Variants in CFAP43 observed in about 807,000 individuals in gnomAD.
CFAP43 encodes cilia- and flagella-associated protein 43.
CFAP43 carries 155 observed loss-of-function variants against 218.9 expected under a neutral mutation model. The observed-to-expected ratio is 0.71, with a 90% CI of 0.62 to 0.81. CFAP43 has a LOEUF of 0.81. Among genes scored for constraint, CFAP43 ranks in the 30% least tolerant of loss-of-function variants. The pLI, the probability that CFAP43 is intolerant of heterozygous loss-of-function variation, is 0.00. For synonymous variants in CFAP43, 645 were observed against 681.3 expected, an observed-to-expected ratio of 0.95 and a Z score of 0.83; for missense variants, 1,778 against 1,954.3, an observed-to-expected ratio of 0.91 and a Z score of 1.70.
intron 17 of CFAP43, among the ~76,000 whole-genome samples, chr10:104,182,009 T>C (rs564507742): frequency 1.3e-5 from 2 of 152,322 alleles, no homozygotes; most frequent in African/African-American, 4.8e-5. Flanking sequence ...TATTTGTTAA[T>C]TGAATGAGTG....
At chr10:104,144,582 G>A (rs1480709396) in intron 31 of CFAP43, among the ~76,000 whole-genome samples, 1 of 152,170 alleles carries the variant, frequency 6.6e-6, no homozygotes, top group African/African-American at 2.4e-5. Flanking sequence ...CCGGGAGGCG[G>A]AGGTTGCAGT....
rs770759380 is a variant in CFAP43, at chr10:104,168,769, A to G, written c.2666T>C (p.Met889Thr). ...ELIKEECWNSMAVKGRALKCF... is the reference protein window; with the variant it reads ...ELIKEECWNSTAVKGRALKCF... ...CTTAAGAGCTCGACCTTTCACAGCCATCGAATTCCAACATTCTTCTTTGAT... is the reference window on the plus strand; with the variant it reads ...CTTAAGAGCTCGACCTTTCACAGCCGTCGAATTCCAACATTCTTCTTTGAT... The change falls in exon 21 of 38, where the codon ATG (methionine) becomes ACG (threonine). Residue 889 changes from methionine (M) to threonine (T), a missense_variant. Physicochemically the swap from Met to Thr is moderately conservative, Grantham distance 81. This residue lies in a region of CFAP43 where 1,553 missense variants were observed against 1,685.2 expected (regional missense o/e 0.92). Coordinates refer to ENST00000357060, the MANE Select transcript of CFAP43 (RefSeq NM_025145.7). 1.9e-6 allele frequency: 3 copies of G among 1,614,154 alleles called. No homozygotes were observed. The Admixed American group carries it at 5.0e-5, about 27-fold the overall frequency.
At chr10:104,173,463 G>A (rs1262841029) in intron 19 of CFAP43, among the ~76,000 whole-genome samples, 1 of 152,210 alleles carries the variant, frequency 6.6e-6, no homozygotes, top group Non-Finnish European at 1.5e-5. Flanking sequence ...GTGCTGGCAG[G>A]TTGATTAGCT....
intron 7 of CFAP43, among the ~76,000 whole-genome samples, chr10:104,205,167 C>T (rs531171290): frequency 1.1e-4 from 16 of 139,444 alleles, no homozygotes; most frequent in Admixed American, 6.1e-4. Context: ...GAGCCGAGAT[C>T]GCGCCACTGT....
At chr10:104,209,666 T>C (rs999550037) in intron 5 of CFAP43, among the ~76,000 whole-genome samples, 1 of 152,256 alleles carries the variant, frequency 6.6e-6, no homozygotes, top group East Asian at 1.9e-4. Context: ...ACATATTTTC[T>C]GCCCAGAAAA....
In CFAP43 at chr10:104,147,944, T is replaced by C; in HGVS notation, c.3715A>G (p.Ser1239Gly). 8 of 1,604,934 alleles carry C rather than the reference T, an allele frequency of 5.0e-6. No homozygotes were observed. Among genetic ancestry groups the C allele is most frequent in the Non-Finnish European group, 6.8e-6 (8 of 1,175,436 alleles). ...TTGTTCAGGAATTTTTCTCTAGAGC[T>C]TAATTCTTCATCCAACAATAAAGAA... ...AFSLLLDEEL[S>G]SREKFLNNYL... is the part of the protein sequence containing the mutation. Residue 1239 changes from serine (S) to glycine (G), a missense_variant, in exon 29 of 38, where the codon AGC (serine) becomes GGC (glycine). By Grantham distance (56) the Ser-to-Gly change is moderately conservative. This residue lies in a region of CFAP43 where 1,553 missense variants were observed against 1,685.2 expected (regional missense o/e 0.92). Transcript: ENST00000357060.
At chr10:104,152,257 G>A (rs778787743) in intron 28 of CFAP43, among the ~76,000 whole-genome samples, 2 of 152,034 alleles carry the variant, frequency 1.3e-5, no homozygotes, top group Non-Finnish European at 2.9e-5. Context: ...ATGGTAGAAA[G>A]GAAAAAATAC....
intron 12 of CFAP43, among the ~76,000 whole-genome samples, chr10:104,190,951 T>A (rs923116151): frequency 1.3e-5 from 2 of 152,234 alleles, no homozygotes; most frequent in East Asian, 1.9e-4. Context: ...ATCAATTTCA[T>A]GAAAGTTGTC....
chr10:104,152,628 C>T lies in CFAP43; in HGVS notation c.3639G>A (p.Lys1213=), dbSNP rs763467192. 2 of 1,613,778 alleles carry T rather than the reference C, an allele frequency of 1.2e-6. No individual in the cohort carries two copies. The highest frequency in any genetic ancestry group is 1.7e-6 in the Non-Finnish European group (2 of 1,179,848). Residue 1213 remains lysine, a synonymous_variant, in exon 28 of 38, where the codon AAG becomes AAA. Transcript: ENST00000357060. ...HLKRLFERRV[K]AEMVTNQEEL... ...TTACCTGGTTGGTAACCATCTCTGC[C>T]TTCACTCTCCTTTCAAAAAGTCTTT...
chr10:104,147,827 T>G, intron 29 of CFAP43, 64 bp downstream of exon 29: 1 of 1,177,578 alleles, frequency 8.5e-7, no homozygotes, highest in Non-Finnish European at 1.2e-6. Context: ...ACGTGAGCTC[T>G]TGCTAAATGA....
intron 3 of CFAP43, among the ~76,000 whole-genome samples, chr10:104,218,190 T>C (rs1276309341): frequency 1.3e-5 from 2 of 151,396 alleles, no homozygotes; most frequent in Non-Finnish European, 2.9e-5. Flanking sequence ...CTACTAAAAA[T>C]ACAAAAAATT....
intron 35 of CFAP43, 87 bp downstream of exon 35, chr10:104,133,533 C>A: frequency 7.3e-7 from 1 of 1,371,486 alleles, no homozygotes; most frequent in Non-Finnish European, 9.8e-7. Flanking sequence ...CTTGATATCA[C>A]AGAGGCTTCT....
Position 104,135,147 on chromosome 10 carries a change from GA to G in CFAP43, c.4432-1364del, listed in dbSNP as rs569839881. Among the ~76,000 whole-genome samples the G allele has an allele frequency of 9.9e-3, 1,454 of 146,310 alleles. 19 individuals carry two copies. Among genetic ancestry groups the G allele is most frequent in the African/African-American group, 0.033 (1,324 of 39,770 alleles). On this transcript the variant is annotated intron_variant, in intron 34 of 37. Coordinates refer to ENST00000357060, the MANE Select transcript of CFAP43 (RefSeq NM_025145.7). ...TCACATGATCATGTCAATTGATGTAGAAAAAAAAAATTGACAAAATCCAGCA... is the reference window on the plus strand; with the variant it reads ...TCACATGATCATGTCAATTGATGTAGAAAAAAAAATTGACAAAATCCAGCA...
intron 12 of CFAP43, among the ~76,000 whole-genome samples, chr10:104,189,257 T>C (rs1446661234): frequency 6.6e-5 from 10 of 151,308 alleles, no homozygotes; most frequent in Admixed American, 5.9e-4. Context: ...TGGTTCCTTT[T>C]ATTCAGCCCT....
At chr10:104,146,050 C>T (rs2087950243) in intron 30 of CFAP43, among the ~76,000 whole-genome samples, 1 of 152,140 alleles carries the variant, frequency 6.6e-6, no homozygotes, top group Non-Finnish European at 1.5e-5. Flanking sequence ...TTTTGTATAA[C>T]AGAAAGCTTA....
At chr10:104,218,788 G>C (rs1301676137) in intron 3 of CFAP43, 4 of 549,686 alleles carry the variant, frequency 7.3e-6, no homozygotes, top group Non-Finnish European at 1.5e-5. Flanking sequence ...CGGTGGTTTA[G>C]GGTTCCTCTG....
At chr10:104,180,445 C>CTTTT (rs34452460) in intron 17 of CFAP43, among the ~76,000 whole-genome samples, 1 of 124,652 alleles carries the variant, frequency 8.0e-6, no homozygotes, top group African/African-American at 3.2e-5. Flanking sequence ...CACCCTATTT[C>CTTTT]TTTTTTTTTT....
intron 32 of CFAP43, among the ~76,000 whole-genome samples, chr10:104,142,642 T>G (rs995204602): frequency 4.6e-5 from 7 of 152,308 alleles, no homozygotes; most frequent in African/African-American, 1.4e-4. Context: ...TATCTTATTT[T>G]TAAAATTTGT....
intron 12 of CFAP43, among the ~76,000 whole-genome samples, chr10:104,189,311 C>T (rs900638686): frequency 6.6e-6 from 1 of 152,230 alleles, no homozygotes; most frequent in Non-Finnish European, 1.5e-5. Flanking sequence ...TCCAACTCTG[C>T]TGTCCCACAA....
Sources: gnomAD v4.1 joint callset for allele counts (sites outside exome capture counted in the v4.1 genomes callset) on GRCh38, gnomAD v4.1.1 for gene constraint, gnomAD v4.1.1 regional missense constraint, MANE v1.5 for transcripts, NCBI Gene and HGNC (gene_info 2026-07-23, HGNC 2026-07-21) for gene names.